Variants in NBAS observed in about 807,000 individuals in gnomAD.
The protein encoded by NBAS is NBAS subunit of NRZ tethering complex.
A neutral mutation model predicts 302.5 loss-of-function variants in NBAS; 219 were observed. The observed-to-expected ratio is 0.72, with a 90% CI of 0.65 to 0.81. The LOEUF (loss-of-function observed/expected upper bound fraction) is 0.81, where lower values mean the gene tolerates loss of function less well. NBAS is among the 30% of genes least tolerant of loss of function. The pLI, the probability that NBAS is intolerant of heterozygous loss-of-function variation, is 0.00. For synonymous variants in NBAS, 1,118 were observed against 1,021.6 expected (o/e 1.09, Z -1.80); for missense variants, 2,932 against 2,841.6 (o/e 1.03, Z -0.72).
chr2:14,785,131 G>A, the NBAS span, among the ~76,000 whole-genome samples: 3 of 152,112 alleles, frequency 2.0e-5, no homozygotes, highest in Admixed American at 1.3e-4. Flanking sequence ...GTCTGTTATT[G>A]GTGTATAAGA....
chr2:15,210,308 G>A (rs574182255), intron 48 of NBAS, among the ~76,000 whole-genome samples: 9 of 152,084 alleles, frequency 5.9e-5, no homozygotes, highest in East Asian at 3.9e-4. Flanking sequence ...AAAAATGGGC[G>A]AAAATCTGAA....
chr2:15,449,111 TA>T (rs1414926499), intron 21 of NBAS, among the ~76,000 whole-genome samples: 2 of 151,828 alleles, frequency 1.3e-5, no homozygotes, highest in East Asian at 1.9e-4. Context: ...CACATTAGTT[TA>T]AAAAAAAGGA....
intron 23 of NBAS, among the ~76,000 whole-genome samples, chr2:15,422,421 G>A (rs1478795948): frequency 6.6e-6 from 1 of 152,068 alleles, no homozygotes; most frequent in Non-Finnish European, 1.5e-5. Context: ...TCAAATGCAG[G>A]ACGTTACTAA....
chr2:14,791,448 G>A, the NBAS span, among the ~76,000 whole-genome samples: 4 of 152,186 alleles, frequency 2.6e-5, no homozygotes, highest in Admixed American at 6.5e-5. Flanking sequence ...GAACAATTGA[G>A]AATTCACTGG....
chr2:15,082,149 C>T, the NBAS span, among the ~76,000 whole-genome samples: 1 of 152,014 alleles, frequency 6.6e-6, no homozygotes, highest in East Asian at 1.9e-4. Context: ...ATTATTGGAC[C>T]AATTTACCTG....
chr2:14,811,904 T>C, the NBAS span, among the ~76,000 whole-genome samples: 5 of 152,218 alleles, frequency 3.3e-5, no homozygotes, highest in Non-Finnish European at 7.3e-5. Context: ...GAGGCTTTGG[T>C]GACTGAAGAA....
At chr2:14,944,248 C>T in the NBAS span, among the ~76,000 whole-genome samples, 9 of 152,094 alleles carry the variant, frequency 5.9e-5, no homozygotes, top group East Asian at 1.7e-3. Flanking sequence ...TGCAGTGAGC[C>T]GAGATCGATC....
the NBAS span, among the ~76,000 whole-genome samples, chr2:14,855,806 A>G: frequency 6.6e-6 from 1 of 152,180 alleles, no homozygotes; most frequent in Non-Finnish European, 1.5e-5. Flanking sequence ...CCTGACTACC[A>G]GATGGCACTT....
At chr2:15,178,660 G>C (rs1287466323) in intron 51 of NBAS, among the ~76,000 whole-genome samples, 1 of 152,208 alleles carries the variant, frequency 6.6e-6, no homozygotes, top group Non-Finnish European at 1.5e-5. Flanking sequence ...CAAATTTCAA[G>C]TAGCAAGAGG....
At chr2:15,062,238 C>T in the NBAS span, among the ~76,000 whole-genome samples, 12 of 152,222 alleles carry the variant, frequency 7.9e-5, no homozygotes, top group African/African-American at 2.9e-4. Flanking sequence ...CCTGCCACAA[C>T]TTTGGATCAG....
intron 28 of NBAS, among the ~76,000 whole-genome samples, chr2:15,386,741 GTTTC>G (rs1362839338): frequency 1.3e-5 from 2 of 152,100 alleles, no homozygotes; most frequent in Admixed American, 6.5e-5. Flanking sequence ...AAAGTTGTTA[GTTTC>G]TTTATTGACC....
chr2:14,935,444 C>T, the NBAS span, among the ~76,000 whole-genome samples: 1 of 152,010 alleles, frequency 6.6e-6, no homozygotes, highest in South Asian at 2.1e-4. Context: ...GGTCTTATGC[C>T]CCTTGAACTT....
the NBAS span, among the ~76,000 whole-genome samples, chr2:15,112,534 A>G: frequency 2.5e-3 from 385 of 152,276 alleles, no homozygotes; most frequent in Non-Finnish European, 4.0e-3. Flanking sequence ...AAATATACAC[A>G]TATGCAAAAC....
chr2:14,820,925 C>A, the NBAS span, among the ~76,000 whole-genome samples: 2 of 145,366 alleles, frequency 1.4e-5, no homozygotes, highest in African/African-American at 4.9e-5. Flanking sequence ...TTTTTTTTTT[C>A]TTTTCTTTTC....
At chr2:14,985,883 T>C in the NBAS span, among the ~76,000 whole-genome samples, 1 of 152,226 alleles carries the variant, frequency 6.6e-6, no homozygotes, top group South Asian at 2.1e-4. Context: ...GGTGTTTACA[T>C]GTCATATAGT....
the NBAS span, among the ~76,000 whole-genome samples, chr2:14,901,242 A>G: frequency 6.6e-6 from 1 of 152,230 alleles, no homozygotes; most frequent in Non-Finnish European, 1.5e-5. Context: ...CAATAAAAGT[A>G]TATTCCATAA....
the NBAS span, among the ~76,000 whole-genome samples, chr2:14,969,458 C>A: frequency 2.0e-5 from 3 of 152,060 alleles, no homozygotes; most frequent in Non-Finnish European, 2.9e-5. Flanking sequence ...CTCACTTCAA[C>A]GTCTGCCTCC....
intron 28 of NBAS, among the ~76,000 whole-genome samples, chr2:15,386,235 G>T (rs138702426): frequency 6.6e-6 from 1 of 152,112 alleles, no homozygotes; most frequent in South Asian, 2.1e-4. Context: ...GATACAAAAC[G>T]CTTAGGAATT....
At chr2:14,941,078 A>C in the NBAS span, among the ~76,000 whole-genome samples, 1 of 152,222 alleles carries the variant, frequency 6.6e-6, no homozygotes, top group Admixed American at 6.5e-5. Context: ...TTACATTCTA[A>C]AAGGATGAGG....
Sources: gnomAD v4.1 joint callset for allele counts (sites outside exome capture counted in the v4.1 genomes callset) on GRCh38, gnomAD v4.1.1 for gene constraint, MANE v1.5 for transcripts, NCBI Gene and HGNC (gene_info 2026-07-23, HGNC 2026-07-21) for gene names.